Variants in THSD7B observed in about 807,000 individuals in gnomAD.
The protein encoded by THSD7B is thrombospondin type 1 domain containing 7B, also known as thrombospondin type-1 domain-containing protein 7B.
Under a neutral mutation model 213.6 loss-of-function variants are expected in THSD7B, and 138 were observed. The ratio of observed to expected loss-of-function variants is 0.65; its 90% CI spans 0.56 to 0.74. The LOEUF (loss-of-function observed/expected upper bound fraction) is 0.74, where lower values mean the gene tolerates loss of function less well. Among genes scored for constraint, THSD7B ranks in the 30% least tolerant of loss-of-function variants. The pLI is 0.00. For missense variants in THSD7B, 1,931 were observed against 1,991.5 expected (o/e 0.97, Z 0.58); for synonymous variants, 742 against 687.0 (o/e 1.08, Z -1.25).
At chr2:137,337,528 C>T (rs1037063794) in intron 12 of THSD7B, among the ~76,000 whole-genome samples, 14 of 151,980 alleles carry the variant, frequency 9.2e-5, no homozygotes, top group African/African-American at 2.9e-4. Context: ...ATTTCTCCAC[C>T]GTTAAGTGAC....
intron 12 of THSD7B, among the ~76,000 whole-genome samples, chr2:137,350,258 A>G (rs1684978179): frequency 6.6e-6 from 1 of 151,916 alleles, no homozygotes; most frequent in East Asian, 1.9e-4. Context: ...AAGCTAAGGA[A>G]TCCTTGAAAT....
At chr2:137,327,499 C>T (rs1684398076) in intron 12 of THSD7B, among the ~76,000 whole-genome samples, 1 of 152,062 alleles carries the variant, frequency 6.6e-6, no homozygotes, top group African/African-American at 2.4e-5. Context: ...TTCTCTTTCT[C>T]CTCTGCTCTC....
At chr2:137,085,911 T>A (rs905353915) in intron 3 of THSD7B, among the ~76,000 whole-genome samples, 3 of 152,188 alleles carry the variant, frequency 2.0e-5, no homozygotes, top group African/African-American at 4.8e-5. Context: ...GGAAAATATA[T>A]TTGTATTATA....
chr2:137,070,129 C>T (rs1009522830), intron 3 of THSD7B, among the ~76,000 whole-genome samples: 1 of 151,844 alleles, frequency 6.6e-6, no homozygotes, highest in Non-Finnish European at 1.5e-5. Flanking sequence ...TAACCAACTT[C>T]CTTATTTTCC....
chr2:137,572,709 GA>G (rs941276041), intron 17 of THSD7B, among the ~76,000 whole-genome samples, 153 bp downstream of exon 17: 23 of 150,220 alleles, frequency 1.5e-4, no homozygotes, highest in African/African-American at 4.9e-4. Flanking sequence ...AAGAAAAAAA[GA>G]AAAAAAAAGT....
At chr2:137,395,595 G>A (rs1023261246) in intron 12 of THSD7B, among the ~76,000 whole-genome samples, 1 of 152,164 alleles carries the variant, frequency 6.6e-6, no homozygotes, top group East Asian at 1.9e-4. Context: ...TTGCATCAAT[G>A]TTCTTCAAGG....
At chr2:137,410,835 A>G (rs1686637000) in intron 13 of THSD7B, among the ~76,000 whole-genome samples, 1 of 152,194 alleles carries the variant, frequency 6.6e-6, no homozygotes. Context: ...ATCTAGGAAA[A>G]TTTTTAGTAA....
At chr2:136,986,590 G>A (rs991072151) in intron 2 of THSD7B, among the ~76,000 whole-genome samples, 1 of 152,168 alleles carries the variant, frequency 6.6e-6, no homozygotes. Flanking sequence ...TAATGCACAC[G>A]GAGTAACACA....
At chr2:137,287,473 G>A (rs1357308310) in intron 12 of THSD7B, among the ~76,000 whole-genome samples, 1 of 152,060 alleles carries the variant, frequency 6.6e-6, no homozygotes, top group Non-Finnish European at 1.5e-5. Context: ...TTCTTTGCAT[G>A]TTTTGGGGTA....
At chr2:136,926,616 C>T (rs1684530534) in intron 2 of THSD7B, among the ~76,000 whole-genome samples, 1 of 151,850 alleles carries the variant, frequency 6.6e-6, no homozygotes, top group African/African-American at 2.4e-5. Context: ...ATGGTCTGGG[C>T]TTGAGAGGTC....
At chr2:137,665,085 AC>A (rs1683422144) in intron 26 of THSD7B, among the ~76,000 whole-genome samples, 1 of 152,194 alleles carries the variant, frequency 6.6e-6, no homozygotes, top group African/African-American at 2.4e-5. Flanking sequence ...ATCTTAGTCA[AC>A]TTTTGCTTCC....
intron 1 of THSD7B, among the ~76,000 whole-genome samples, chr2:136,855,167 A>T (rs911267556): frequency 1.3e-5 from 2 of 151,952 alleles, no homozygotes; most frequent in Non-Finnish European, 1.5e-5. Flanking sequence ...CTGTATATTT[A>T]TGTATGCATT....
intron 10 of THSD7B, among the ~76,000 whole-genome samples, chr2:137,264,283 C>T (rs1034532377): frequency 2.0e-4 from 30 of 149,098 alleles, no homozygotes; most frequent in African/African-American, 6.4e-4. Context: ...GACAGAGTCT[C>T]GCTCTCTTGC....
intron 1 of THSD7B, among the ~76,000 whole-genome samples, chr2:136,801,546 A>G (rs1424395735): frequency 6.6e-6 from 1 of 152,062 alleles, no homozygotes; most frequent in Non-Finnish European, 1.5e-5. Context: ...AGTCATGACT[A>G]CCTTTTTAAA....
At chr2:136,972,087 G>A (rs760376801) in intron 2 of THSD7B, among the ~76,000 whole-genome samples, 1 of 151,928 alleles carries the variant, frequency 6.6e-6, no homozygotes, top group Non-Finnish European at 1.5e-5. Flanking sequence ...TCTATGACAA[G>A]GTTTGGTTGC....
intron 15 of THSD7B, among the ~76,000 whole-genome samples, chr2:137,546,428 A>ATATATAT (rs1558834368): frequency 6.4e-4 from 19 of 29,740 alleles, no homozygotes; most frequent in African/African-American, 4.1e-3. Context: ...TATATATTAT[A>ATATATAT]TATATATTAT....
At chr2:136,913,209 A>T (rs1337519736) in intron 2 of THSD7B, among the ~76,000 whole-genome samples, 4 of 152,184 alleles carry the variant, frequency 2.6e-5, no homozygotes, top group Non-Finnish European at 4.4e-5. Context: ...TGCCCTAGAG[A>T]TTTGTGAACT....
chr2:137,005,685 A>G (rs547112989), intron 2 of THSD7B, among the ~76,000 whole-genome samples: 3 of 152,354 alleles, frequency 2.0e-5, no homozygotes, highest in African/African-American at 4.8e-5. Context: ...CAATTATACA[A>G]AGAAAAGGAA....
intron 12 of THSD7B, among the ~76,000 whole-genome samples, chr2:137,309,652 C>T (rs972759835): frequency 2.6e-5 from 4 of 152,032 alleles, no homozygotes; most frequent in African/African-American, 9.7e-5. Context: ...GCTATCCCTA[C>T]CCCTACCCCC....
Sources: gnomAD v4.1 joint callset for allele counts (sites outside exome capture counted in the v4.1 genomes callset) on GRCh38, gnomAD v4.1.1 for gene constraint, MANE v1.5 for transcripts, NCBI Gene and HGNC (gene_info 2026-07-23, HGNC 2026-07-21) for gene names.